The following ISM1 variants were observed in gnomAD, a reference collection of about 807,000 sequenced individuals.
ISM1 encodes isthmin 1, also known as isthmin-1.
A neutral mutation model predicts 46.3 loss-of-function variants in ISM1; 25 were observed. The ratio of observed to expected loss-of-function variants is 0.54; its 90% CI spans 0.39 to 0.75. ISM1 has a LOEUF of 0.75. Ranked by LOEUF, ISM1 falls within the 30% of genes least tolerant of loss-of-function variation. The pLI is 0.00. For synonymous variants in ISM1, 255 were observed against 256.7 expected, an observed-to-expected ratio of 0.99 and a Z score of 0.06; for missense variants, 536 against 625.4, an observed-to-expected ratio of 0.86 and a Z score of 1.52.
chr20:13,267,989 G>A (rs1333075588), intron 1 of ISM1, among the ~76,000 whole-genome samples: 1 of 152,222 alleles, frequency 6.6e-6, no homozygotes, highest in African/African-American at 2.4e-5. Context: ...TGTTGTTGGA[G>A]AAGTTTTAGG....
chr20:13,241,778 A>G (rs2039727256), intron 1 of ISM1, among the ~76,000 whole-genome samples: 2 of 152,180 alleles, frequency 1.3e-5, no homozygotes, highest in Admixed American at 1.3e-4. Context: ...GTTTGAGGAC[A>G]TGAATCTAAA....
chr20:13,312,737 A>T, the ISM1 span, among the ~76,000 whole-genome samples: 1 of 152,114 alleles, frequency 6.6e-6, no homozygotes, highest in Non-Finnish European at 1.5e-5. Flanking sequence ...ACTTTGTGCT[A>T]CTCTGGGAAA....
intron 3 of ISM1, among the ~76,000 whole-genome samples, chr20:13,280,364 A>G (rs755481881): frequency 1.2e-4 from 11 of 91,150 alleles, no homozygotes; most frequent in Non-Finnish European, 1.9e-4. Context: ...ACCCACATGA[A>G]CGTGTGTGTC....
At chr20:13,238,463 G>C (rs2123156925) in intron 1 of ISM1, among the ~76,000 whole-genome samples, 1 of 152,158 alleles carries the variant, frequency 6.6e-6, no homozygotes, top group Non-Finnish European at 1.5e-5. Context: ...AAGGGTTGGG[G>C]CCAAATTAAA....
At chr20:13,313,875 G>C in the ISM1 span, among the ~76,000 whole-genome samples, 1 of 152,160 alleles carries the variant, frequency 6.6e-6, no homozygotes, top group Admixed American at 6.5e-5. Context: ...GGGCTCTAAT[G>C]AATAAAGTTG....
At chr20:13,320,595 A>G in the ISM1 span, among the ~76,000 whole-genome samples, 1 of 152,212 alleles carries the variant, frequency 6.6e-6, no homozygotes, top group Non-Finnish European at 1.5e-5. Context: ...GAGAAAAACA[A>G]AGTAACCATG....
At chr20:13,304,842 C>T (rs1381524504), downstream of ISM1, among the ~76,000 whole-genome samples, 4 of 152,154 alleles carry the variant, frequency 2.6e-5, no homozygotes, top group Non-Finnish European at 4.4e-5. Context: ...TGAAAACACA[C>T]ACTTTATTAG....
At chr20:13,273,215 T>TTTTTA (rs60448833) in intron 2 of ISM1, among the ~76,000 whole-genome samples, 3,961 of 130,670 alleles carry the variant, frequency 0.03, 134 homozygotes, top group East Asian at 0.073. Flanking sequence ...ACTTGGGTCT[T>TTTTTA]TTTTATTTTA....
At chr20:13,275,709 G>GCTTA (rs1424470364) in intron 2 of ISM1, among the ~76,000 whole-genome samples, 1 of 152,234 alleles carries the variant, frequency 6.6e-6, no homozygotes, top group African/African-American at 2.4e-5. Flanking sequence ...CATATGAAGT[G>GCTTA]CTTAGCACAG....
At chr20:13,222,505 C>G (rs759377483) in intron 1 of ISM1, among the ~76,000 whole-genome samples, 13 of 152,072 alleles carry the variant, frequency 8.5e-5, no homozygotes, top group South Asian at 4.1e-4. Flanking sequence ...CCCCCCTCCC[C>G]CCTTGTGCCC....
At chr20:13,230,596 C>T (rs2039577120) in intron 1 of ISM1, among the ~76,000 whole-genome samples, 2 of 151,836 alleles carry the variant, frequency 1.3e-5, no homozygotes, top group African/African-American at 2.4e-5. Context: ...CAATGAAGCC[C>T]CTTAGGTCCT....
intron 1 of ISM1, among the ~76,000 whole-genome samples, chr20:13,226,253 T>C (rs1322018495): frequency 1.3e-5 from 2 of 152,238 alleles, no homozygotes. Flanking sequence ...GCTTCTTGTA[T>C]TCACTGCTTT....
In ISM1 at chr20:13,270,519, GGAA is replaced by G; in HGVS notation, c.156_158del (p.Ser53del). 6.2e-7 allele frequency: 1 copy of G among 1,613,204 alleles called. No homozygotes were observed. Among genetic ancestry groups the G allele is most frequent in the Non-Finnish European group, 8.5e-7 (1 of 1,179,616 alleles). The stretch of plus-strand genomic sequence containing the variant: ...TTTGTTTTAGAATAACCTCAACGTG[GGAA>G]GTGACACCACATCAGAAACCAGCTT... On this transcript the variant is annotated inframe_deletion, in exon 2 of 6. Coordinates refer to ENST00000262487, the MANE Select transcript of ISM1 (RefSeq NM_080826.2).
intron 5 of ISM1, among the ~76,000 whole-genome samples, chr20:13,297,868 C>T (rs2040421699): frequency 6.6e-6 from 1 of 152,176 alleles, no homozygotes; most frequent in Non-Finnish European, 1.5e-5. Context: ...AGGTCACTGG[C>T]CTGTGACCCA....
At chr20:13,265,118 C>G (rs919761196) in intron 1 of ISM1, among the ~76,000 whole-genome samples, 2 of 152,176 alleles carry the variant, frequency 1.3e-5, no homozygotes, top group African/African-American at 4.8e-5. Context: ...GTTACTCTCA[C>G]CACATTTCAG....
At chr20:13,296,263 G>A (rs564963471) in intron 5 of ISM1, among the ~76,000 whole-genome samples, 4 of 152,156 alleles carry the variant, frequency 2.6e-5, no homozygotes, top group African/African-American at 7.2e-5. Flanking sequence ...GTCTTTCTCT[G>A]GACCCGAGCC....
the ISM1 span, among the ~76,000 whole-genome samples, chr20:13,310,197 G>A: frequency 6.6e-6 from 1 of 152,238 alleles, no homozygotes; most frequent in Non-Finnish European, 1.5e-5. Flanking sequence ...ATACTACAAA[G>A]GTGTAGTAAT....
At position 13,233,852 on chromosome 20, in the gene ISM1, C is replaced by T. The variant is rs551137870; in HGVS notation, c.138+11938C>T. ...CAAGAAGCTCAGAATGGCTTCTCAGCCCTTGCGCCCAGAATGCGATCTACA... is the reference window on the plus strand; with the variant it reads ...CAAGAAGCTCAGAATGGCTTCTCAGTCCTTGCGCCCAGAATGCGATCTACA... On this transcript the variant is annotated intron_variant, in intron 1 of 5. Transcript: ENST00000262487. Among the ~76,000 whole-genome samples the T allele has an allele frequency of 2.6e-5, 4 of 152,202 alleles. No homozygotes were observed. In the South Asian group the frequency reaches 8.3e-4, roughly 32 times the overall value.
intron 1 of ISM1, among the ~76,000 whole-genome samples, chr20:13,243,674 C>G (rs541787634): frequency 1.3e-5 from 2 of 152,270 alleles, no homozygotes; most frequent in South Asian, 4.1e-4. Flanking sequence ...TAGCCCTTCA[C>G]TAATGCCAAA....
Sources: allele counts gnomAD v4.1 joint callset (sites outside exome capture counted in the v4.1 genomes callset), GRCh38; gene constraint gnomAD v4.1.1; transcripts MANE v1.5; gene names NCBI Gene and HGNC (gene_info 2026-07-23, HGNC 2026-07-21).